The following EXOC2 variants were observed in gnomAD, a reference collection of about 807,000 sequenced individuals.
EXOC2 encodes the protein SEC5-like 1.
Under a neutral mutation model 131.8 loss-of-function variants are expected in EXOC2, and 70 were observed. That is an observed-to-expected ratio of 0.53 (90% CI 0.44 to 0.65). The LOEUF is 0.65. Ranked by LOEUF, EXOC2 falls within the 30% of genes least tolerant of loss-of-function variation. The pLI, the probability that EXOC2 is intolerant of heterozygous loss-of-function variation, is 0.00. For synonymous variants in EXOC2, 411 were observed against 398.4 expected, an observed-to-expected ratio of 1.03 and a Z score of -0.38; for missense variants, 923 against 1,108.6, an observed-to-expected ratio of 0.83 and a Z score of 2.38.
intron 27 of EXOC2, 60 bp downstream of exon 27, chr6:488,919 G>T: frequency 6.6e-7 from 1 of 1,508,454 alleles, no homozygotes. Context: ...AGGTATTTTA[G>T]GAAACAAAAC....
chr6:511,446 C>T (rs1764839384), intron 23 of EXOC2, among the ~76,000 whole-genome samples: 1 of 152,160 alleles, frequency 6.6e-6, no homozygotes, highest in African/African-American at 2.4e-5. Flanking sequence ...TTTAAAGTCC[C>T]ATTTACAGAG....
intron 1 of EXOC2, among the ~76,000 whole-genome samples, chr6:691,298 T>A (rs1764912833): frequency 6.6e-6 from 1 of 152,230 alleles, no homozygotes; most frequent in Non-Finnish European, 1.5e-5. Flanking sequence ...TGGGTTTGAA[T>A]GAGACAGATC....
At chr6:535,976 G>A (rs1266531243) in intron 22 of EXOC2, among the ~76,000 whole-genome samples, 1 of 152,054 alleles carries the variant, frequency 6.6e-6, no homozygotes, top group Non-Finnish European at 1.5e-5. Context: ...AGATGAAAAA[G>A]CACTTGAGAA....
chr6:604,411 G>A (rs1760280517), intron 7 of EXOC2, among the ~76,000 whole-genome samples: 1 of 152,072 alleles, frequency 6.6e-6, no homozygotes, highest in Non-Finnish European at 1.5e-5. Flanking sequence ...CTGCTGACCT[G>A]GCTTAACATG....
At chr6:677,934 T>TCTCA (rs111239666) in intron 1 of EXOC2, among the ~76,000 whole-genome samples, 1,476 of 147,094 alleles carry the variant, frequency 0.01, 10 homozygotes, top group East Asian at 0.034. Flanking sequence ...TTATAATCTC[T>TCTCA]CACACACACA....
chr6:689,979 A>G (rs1362119038), intron 1 of EXOC2, among the ~76,000 whole-genome samples: 3 of 152,234 alleles, frequency 2.0e-5, no homozygotes, highest in Non-Finnish European at 4.4e-5. Context: ...AGCCAGTACT[A>G]TGAAGCAGAC....
chr6:682,924 G>A (rs1347732901), intron 1 of EXOC2, among the ~76,000 whole-genome samples: 1 of 151,602 alleles, frequency 6.6e-6, no homozygotes, highest in South Asian at 2.1e-4. Context: ...AGAAATACAG[G>A]ATGGTATCAT....
chr6:607,229 C>A (rs1166829833), intron 7 of EXOC2, among the ~76,000 whole-genome samples: 1 of 152,206 alleles, frequency 6.6e-6, no homozygotes, highest in African/African-American at 2.4e-5. Flanking sequence ...CTATCAAAAC[C>A]ACACACACAG....
In EXOC2 at chr6:682,573, C is replaced by CCT. The variant is rs145873625; in HGVS notation, c.-44+10444_-44+10445dup. On this transcript the variant is annotated intron_variant, in intron 1 of 27. Coordinates refer to ENST00000230449, the MANE Select transcript of EXOC2 (RefSeq NM_018303.6). ...TAACCATCATTTATCAGTATTTTTTCCTCTCTCTCTCTCTCCAAAGAATTT... is the reference window on the plus strand; with the variant it reads ...TAACCATCATTTATCAGTATTTTTTCCTCTCTCTCTCTCTCTCCAAAGAATTT... Among the ~76,000 whole-genome samples, 7 of 151,258 alleles carry CCT rather than the reference C, an allele frequency of 4.6e-5. No homozygotes were observed. In the East Asian group the frequency reaches 5.8e-4, roughly 12 times the overall value.
intron 1 of EXOC2, among the ~76,000 whole-genome samples, chr6:647,800 A>C (rs1762645522): frequency 6.6e-6 from 1 of 151,410 alleles, no homozygotes; most frequent in South Asian, 2.1e-4. Context: ...CAGGGCTCTT[A>C]ATCTTAACTA....
chr6:494,521 G>C (rs1379598838), intron 25 of EXOC2, among the ~76,000 whole-genome samples: 1 of 151,570 alleles, frequency 6.6e-6, no homozygotes. Flanking sequence ...AGTTTTGACT[G>C]ATGTATACAC....
chr6:654,803 C>CAAAAAAAAAAAAAAAAAA (rs66637987), intron 1 of EXOC2, among the ~76,000 whole-genome samples: 2 of 29,574 alleles, frequency 6.8e-5, no homozygotes, highest in African/African-American at 9.5e-5. Flanking sequence ...GACCCTGTCT[C>CAAAAAAAAAAAAAAAAAA]AAAAAAAAAA....
intron 23 of EXOC2, among the ~76,000 whole-genome samples, chr6:504,631 C>A (rs574387231): frequency 6.6e-6 from 1 of 152,294 alleles, no homozygotes; most frequent in South Asian, 2.1e-4. Context: ...GCTAACCCTA[C>A]ACCAATCGTA....
intron 1 of EXOC2, among the ~76,000 whole-genome samples, chr6:692,659 C>T (rs1161996827): frequency 6.6e-6 from 1 of 152,402 alleles, no homozygotes; most frequent in African/African-American, 2.4e-5. Context: ...ATTCTCAAAT[C>T]TCACGGAGTG....
intron 1 of EXOC2, among the ~76,000 whole-genome samples, chr6:645,238 TAAAA>T (rs536703571): frequency 8.2e-6 from 1 of 121,632 alleles, no homozygotes; most frequent in East Asian, 2.3e-4. Context: ...GATAGCTACA[TAAAA>T]AAAAAAAAAG....
intron 26 of EXOC2, 81 bp downstream of exon 26, chr6:491,044 A>T (rs1026749222): frequency 7.1e-7 from 1 of 1,406,806 alleles, no homozygotes; most frequent in African/African-American, 1.4e-5. Context: ...CTGATCAGTC[A>T]TCTTTACAGA....
intron 10 of EXOC2, among the ~76,000 whole-genome samples, chr6:596,104 G>A (rs1337028947): frequency 6.6e-6 from 1 of 151,960 alleles, no homozygotes; most frequent in African/African-American, 2.4e-5. Context: ...ATCAGGATTA[G>A]AGAGGACATG....
intron 1 of EXOC2, among the ~76,000 whole-genome samples, chr6:648,144 C>A (rs1272268715): frequency 2.6e-5 from 4 of 152,158 alleles, no homozygotes; most frequent in African/African-American, 9.7e-5. Flanking sequence ...CGTAGCACAT[C>A]CAACAGTGCC....
At chr6:551,243 G>A (rs576865222) in intron 21 of EXOC2, among the ~76,000 whole-genome samples, 1 of 152,302 alleles carries the variant, frequency 6.6e-6, no homozygotes, top group African/African-American at 2.4e-5. Context: ...TCAGTGATGT[G>A]CCTGAGGTCA....
Sources: gnomAD v4.1 joint callset for allele counts (sites outside exome capture counted in the v4.1 genomes callset) on GRCh38, gnomAD v4.1.1 for gene constraint, MANE v1.5 for transcripts, NCBI Gene and HGNC (gene_info 2026-07-23, HGNC 2026-07-21) for gene names.